Variants in FZD3 observed in about 807,000 individuals in gnomAD.
FZD3 encodes frizzled class receptor 3.
FZD3 carries 30 observed loss-of-function variants against 60.7 expected under a neutral mutation model. That is an observed-to-expected ratio of 0.49 (90% CI 0.37 to 0.67). The LOEUF (loss-of-function observed/expected upper bound fraction) is 0.67, where lower values mean the gene tolerates loss of function less well. Ranked by LOEUF, FZD3 falls within the 30% of genes least tolerant of loss-of-function variation. FZD3 has a pLI of 0.00. For synonymous variants in FZD3, 246 were observed against 275.2 expected (o/e 0.89, Z 1.05); for missense variants, 605 against 838.7 (o/e 0.72, Z 3.44).
chr8:28,522,375 A>G (rs1469854386), intron 4 of FZD3, among the ~76,000 whole-genome samples: 1 of 151,696 alleles, frequency 6.6e-6, no homozygotes, highest in Non-Finnish European at 1.5e-5. Flanking sequence ...GGACTACTGT[A>G]TTTGCTTCTT....
chr8:28,507,738 A>T (rs1331818975), intron 3 of FZD3, among the ~76,000 whole-genome samples: 1 of 151,732 alleles, frequency 6.6e-6, no homozygotes, highest in East Asian at 1.9e-4. Context: ...AAAGGTGACC[A>T]GTGAGGGTTT....
intron 4 of FZD3, among the ~76,000 whole-genome samples, chr8:28,521,528 G>T (rs1351350026): frequency 6.6e-6 from 1 of 151,988 alleles, no homozygotes; most frequent in African/African-American, 2.4e-5. Context: ...ATTGGCTTCA[G>T]ATTTTTTTTA....
intron 7 of FZD3, among the ~76,000 whole-genome samples, chr8:28,561,125 C>G (rs369243843): frequency 5.9e-5 from 9 of 152,276 alleles, no homozygotes; most frequent in Non-Finnish European, 1.3e-4. Context: ...GGCACGATCT[C>G]GGCTCACTGC....
chr8:28,504,070 G>A (rs1322323948), intron 3 of FZD3, among the ~76,000 whole-genome samples: 6 of 152,070 alleles, frequency 3.9e-5, no homozygotes, highest in Admixed American at 6.6e-5. Flanking sequence ...TTTCCATAGC[G>A]CTTTCAGCAA....
chr8:28,508,265 C>G (rs777051376), intron 3 of FZD3, among the ~76,000 whole-genome samples: 1 of 151,988 alleles, frequency 6.6e-6, no homozygotes, highest in Non-Finnish European at 1.5e-5. Flanking sequence ...GATTCAAGCT[C>G]GCTTCATAAA....
rs1563406026 is a variant in FZD3, at chr8:28,555,814, A to G, written c.1630A>G (p.Ile544Val). 8 of 1,613,834 alleles carry G rather than the reference A, an allele frequency of 5.0e-6. No individual in the cohort carries two copies. Among genetic ancestry groups the G allele is most frequent in the Non-Finnish European group, 6.8e-6 (8 of 1,179,704 alleles). Residue 544 changes from isoleucine to valine, a missense_variant, in exon 7 of 8, where the codon ATC becomes GTC. Physicochemically the swap from Ile to Val is conservative, Grantham distance 29 (BLOSUM62 3). Transcript: ENST00000240093. Reference protein sequence around the residue: ...QSLLRDPNTPIIRKSRGTSTQ... With the variant: ...QSLLRDPNTPVIRKSRGTSTQ... ...TCTCCTGAGGGATCCAAATACTCCT[A>G]TCATAAGAAAGTCAAGGGGAACTTC...
At chr8:28,549,913 T>G (rs1216304539) in intron 5 of FZD3, among the ~76,000 whole-genome samples, 1 of 152,190 alleles carries the variant, frequency 6.6e-6, no homozygotes, top group Non-Finnish European at 1.5e-5. Flanking sequence ...CCCTGTTTGG[T>G]CCTGGCCTAT....
At chr8:28,556,092 A>G in intron 7 of FZD3, 121 bp downstream of exon 7, 2 of 682,232 alleles carry the variant, frequency 2.9e-6, no homozygotes, top group Admixed American at 2.5e-5. Context: ...GAACTTTGCT[A>G]GATAGAGTTG....
intron 5 of FZD3, among the ~76,000 whole-genome samples, chr8:28,544,423 A>G (rs1563401278): frequency 2.0e-5 from 3 of 152,122 alleles, no homozygotes; most frequent in Non-Finnish European, 2.9e-5. Context: ...TATATAGCTT[A>G]CTTTACATAT....
intron 5 of FZD3, among the ~76,000 whole-genome samples, chr8:28,534,649 C>T (rs1340564025): frequency 6.6e-6 from 1 of 152,178 alleles, no homozygotes; most frequent in African/African-American, 2.4e-5. Context: ...AACTACCATT[C>T]TACTTTGTCT....
At position 28,502,978 on chromosome 8, in the gene FZD3, G is replaced by T. The variant is rs1804036606; in HGVS notation, c.-36G>T. 4 of 1,435,384 alleles carry T rather than the reference G, an allele frequency of 2.8e-6. No homozygotes were observed. The highest frequency in any genetic ancestry group is 3.9e-6 in the Non-Finnish European group (4 of 1,022,188). The allele number at this position is 1,435,384 out of a possible 1,614,324, so 88.9% of individuals were successfully genotyped here. A position where few individuals can be genotyped will look rare whatever the true frequency, so the allele number is the denominator to read the frequency against. On this transcript the variant is annotated 5_prime_UTR_variant, in exon 3 of 8. Coordinates refer to ENST00000240093, the MANE Select transcript of FZD3 (RefSeq NM_017412.4). ...AATATCTAAAATACATATTGAATAG[G>T]CCTGATCATCTGAATCTCCTTCAGA...
At chr8:28,511,883 G>A (rs1269793738) in intron 3 of FZD3, among the ~76,000 whole-genome samples, 2 of 152,090 alleles carry the variant, frequency 1.3e-5, no homozygotes, top group African/African-American at 2.4e-5. Flanking sequence ...CCCAGTACCC[G>A]ACACAGAACC....
In FZD3 at chr8:28,515,186, GTTA is replaced by G. The variant is rs1804391265; in HGVS notation, c.190-5451_190-5449del. Reference sequence around the variant, plus strand: ...GTAAGGCATTTTGAACAGTGCTTGTGTTAGCATTGGAATGTATCCAAGTCACAC... The same window carrying G: ...GTAAGGCATTTTGAACAGTGCTTGTGGCATTGGAATGTATCCAAGTCACAC... On this transcript the variant is annotated intron_variant, in intron 3 of 7. Transcript: ENST00000240093. Among the ~76,000 whole-genome samples the G allele has an allele frequency of 1.3e-5, 2 of 152,206 alleles. 1 individual carries two copies. The highest frequency in any genetic ancestry group is 4.1e-4 in the South Asian group (2 of 4,834).
intron 5 of FZD3, among the ~76,000 whole-genome samples, chr8:28,549,020 A>T (rs1187076171): frequency 3.3e-5 from 5 of 152,204 alleles, no homozygotes; most frequent in African/African-American, 1.2e-4. Context: ...AACAGAAACT[A>T]ATTTTCTCAC....
chr8:28,505,850 C>T (rs1163707302), intron 3 of FZD3, among the ~76,000 whole-genome samples: 1 of 152,170 alleles, frequency 6.6e-6, no homozygotes, highest in Non-Finnish European at 1.5e-5. Flanking sequence ...GAGATTGGGA[C>T]ATGTTTAAAT....
At chr8:28,541,581 T>C (rs1455541008) in intron 5 of FZD3, among the ~76,000 whole-genome samples, 2 of 152,208 alleles carry the variant, frequency 1.3e-5, no homozygotes, top group East Asian at 1.9e-4. Flanking sequence ...CTGTTTTCTT[T>C]CCTTTCTCCC....
chr8:28,535,546 C>CT (rs1244763549), intron 5 of FZD3, among the ~76,000 whole-genome samples: 10 of 152,134 alleles, frequency 6.6e-5, no homozygotes, highest in Non-Finnish European at 1.3e-4. Flanking sequence ...TTCAGCCTCT[C>CT]TTTGTTTTTG....
At chr8:28,531,656 A>G (rs1036491186) in intron 5 of FZD3, among the ~76,000 whole-genome samples, 1 of 152,136 alleles carries the variant, frequency 6.6e-6, no homozygotes, top group South Asian at 2.1e-4. Context: ...TAATATCTCA[A>G]TTCTGTAGTA....
intron 5 of FZD3, among the ~76,000 whole-genome samples, chr8:28,536,311 A>AG (rs1472399031): frequency 6.6e-6 from 1 of 152,226 alleles, no homozygotes; most frequent in African/African-American, 2.4e-5. Flanking sequence ...GAATTTTGAC[A>AG]ATAGAACATT....
Sources: gnomAD v4.1 joint callset for allele counts (sites outside exome capture counted in the v4.1 genomes callset) on GRCh38, gnomAD v4.1.1 for gene constraint, MANE v1.5 for transcripts, NCBI Gene and HGNC (gene_info 2026-07-23, HGNC 2026-07-21) for gene names.